FAM81B: variants seen among roughly 807,000 people sequenced by gnomAD.
FAM81B encodes family with sequence similarity 81 member B.
In FAM81B, 60 loss-of-function variants were observed where a neutral mutation model predicts 58.7. The ratio of observed to expected loss-of-function variants is 1.02; its 90% CI spans 0.83 to 1.27. The LOEUF is 1.27. Among genes scored for constraint, FAM81B ranks in the 50% most tolerant of loss-of-function variants. The pLI, the probability that FAM81B is intolerant of heterozygous loss-of-function variation, is 0.00. For synonymous variants in FAM81B, 189 were observed against 179.6 expected (o/e 1.05, Z -0.42); for missense variants, 491 against 522.0 (o/e 0.94, Z 0.58).
At chr5:95,437,723 A>G (rs1275664630) in intron 7 of FAM81B, among the ~76,000 whole-genome samples, 1 of 152,122 alleles carries the variant, frequency 6.6e-6, no homozygotes, top group African/African-American at 2.4e-5. Context: ...TAAAGGAGAC[A>G]GCTCCACAAA....
chr5:95,396,318 T>G, intron 3 of FAM81B, 143 bp downstream of exon 3: 1 of 598,894 alleles, frequency 1.7e-6, no homozygotes. Context: ...TTCTCTGCAT[T>G]CAGAAGAGAT....
chr5:95,449,928 A>G (rs1745733921), intron 9 of FAM81B, among the ~76,000 whole-genome samples: 2 of 152,254 alleles, frequency 1.3e-5, no homozygotes, highest in Admixed American at 1.3e-4. Context: ...AAATTTCACA[A>G]TGAAACCAGA....
At chr5:95,407,406 A>G (rs1017283805) in intron 3 of FAM81B, among the ~76,000 whole-genome samples, 2 of 149,502 alleles carry the variant, frequency 1.3e-5, no homozygotes, top group African/African-American at 5.0e-5. Context: ...ACACACACAC[A>G]CACGCACACA....
intron 3 of FAM81B, among the ~76,000 whole-genome samples, chr5:95,412,283 T>C (rs1762426404): frequency 6.6e-6 from 1 of 152,218 alleles, no homozygotes; most frequent in African/African-American, 2.4e-5. Context: ...ATTTCCATCT[T>C]TGCATAATTT....
At chr5:95,426,120 A>ATATG (rs1400477329) in intron 5 of FAM81B, among the ~76,000 whole-genome samples, 3 of 95,654 alleles carry the variant, frequency 3.1e-5, no homozygotes, top group Non-Finnish European at 6.8e-5. Context: ...ATATATATAT[A>ATATG]TATGTACACA....
intron 3 of FAM81B, chr5:95,396,879 C>T (rs1195340164): frequency 6.6e-6 from 1 of 152,178 alleles, no homozygotes; most frequent in Non-Finnish European, 1.5e-5. Context: ...TAACACCAGT[C>T]AGTTCCATAA....
intron 8 of FAM81B, among the ~76,000 whole-genome samples, chr5:95,446,901 TCA>T (rs557205645): frequency 2.6e-5 from 4 of 151,222 alleles, no homozygotes; most frequent in Admixed American, 6.6e-5. Context: ...CCTGTGTTTC[TCA>T]GAGTGTGCTC....
intron 8 of FAM81B, 138 bp downstream of exon 8, chr5:95,446,835 A>C: frequency 9.0e-6 from 9 of 1,000,024 alleles, no homozygotes; most frequent in East Asian, 5.4e-5. Context: ...AAACACCACA[A>C]TAGGAGTCCA....
intron 8 of FAM81B, among the ~76,000 whole-genome samples, chr5:95,447,380 T>C (rs1745619222): frequency 6.6e-6 from 1 of 152,214 alleles, no homozygotes; most frequent in Non-Finnish European, 1.5e-5. Flanking sequence ...AGCCTGAGTT[T>C]GTAAACAGCT....
At chr5:95,410,004 G>A (rs370260832) in intron 3 of FAM81B, among the ~76,000 whole-genome samples, 1 of 152,014 alleles carries the variant, frequency 6.6e-6, no homozygotes, top group East Asian at 1.9e-4. Flanking sequence ...TTTGTTTAAG[G>A]CTACAAACAA....
intron 4 of FAM81B, among the ~76,000 whole-genome samples, chr5:95,414,538 C>T (rs1011663766): frequency 1.3e-5 from 2 of 152,180 alleles, no homozygotes; most frequent in Non-Finnish European, 2.9e-5. Context: ...TAATGCACAT[C>T]AGTAACGCTC....
chr5:95,430,231 C>T (rs187374758), intron 6 of FAM81B, among the ~76,000 whole-genome samples: 11 of 152,062 alleles, frequency 7.2e-5, no homozygotes, highest in African/African-American at 2.6e-4. Context: ...AATTTTCATT[C>T]CCACCCCTTA....
Position 95,446,602 on chromosome 5 carries a change from A to G in FAM81B, c.934A>G (p.Asn312Asp), listed in dbSNP as rs372623646. ...AAGTAATCTGTACGAAGAAGTTGAG[A>G]ATAATAAAAAATGGACAGAAAACCA... ...LSSNLYEEVE[N>D]NKKWTENQFL... is the part of the protein sequence containing the mutation. Residue 312 changes from asparagine to aspartate, a missense_variant, in exon 8 of 10, where the codon AAT becomes GAT. By Grantham distance (23) the Asn-to-Asp change is conservative. Transcript: ENST00000283357. The G allele has an allele frequency of 7.6e-5, 122 of 1,611,950 alleles. No homozygotes were observed. Among genetic ancestry groups the G allele is most frequent in the Non-Finnish European group, 9.7e-5 (114 of 1,179,128 alleles).
chr5:95,443,779 T>A (rs183280317), intron 7 of FAM81B, among the ~76,000 whole-genome samples: 2 of 152,332 alleles, frequency 1.3e-5, no homozygotes, highest in Admixed American at 1.3e-4. Flanking sequence ...AATCCCCAGC[T>A]GAAAGCAAAT....
chr5:95,441,462 G>T (rs938780894), intron 7 of FAM81B, among the ~76,000 whole-genome samples: 19 of 151,904 alleles, frequency 1.3e-4, no homozygotes, highest in African/African-American at 4.6e-4. Context: ...CCAGCTACTC[G>T]GGAGGCTGAA....
At chr5:95,398,949 A>G (rs1330541218) in intron 3 of FAM81B, among the ~76,000 whole-genome samples, 1 of 152,244 alleles carries the variant, frequency 6.6e-6, no homozygotes, top group Non-Finnish European at 1.5e-5. Flanking sequence ...ATTCTATTTG[A>G]AAGTCTCTGG....
At chr5:95,437,368 C>T (rs1470453663) in intron 7 of FAM81B, among the ~76,000 whole-genome samples, 3 of 152,032 alleles carry the variant, frequency 2.0e-5, no homozygotes, top group Non-Finnish European at 4.4e-5. Context: ...TATTTTGAGA[C>T]GGAGTCTCGC....
chr5:95,450,059 C>A, intron 9 of FAM81B, 90 bp from the exon 10 acceptor site: 2 of 1,377,474 alleles, frequency 1.5e-6, no homozygotes, highest in Non-Finnish European at 9.7e-7. Flanking sequence ...AAATGATAAT[C>A]AATTATGGCA....
intron 3 of FAM81B, among the ~76,000 whole-genome samples, chr5:95,404,842 G>C (rs1036106392): frequency 6.6e-6 from 1 of 152,160 alleles, no homozygotes; most frequent in Non-Finnish European, 1.5e-5. Context: ...GATAATTTTA[G>C]ATAATGACAA....
Sources: gnomAD v4.1 joint callset for allele counts (sites outside exome capture counted in the v4.1 genomes callset) on GRCh38, gnomAD v4.1.1 for gene constraint, MANE v1.5 for transcripts, NCBI Gene and HGNC (gene_info 2026-07-23, HGNC 2026-07-21) for gene names.